KAT2B: variants seen among roughly 807,000 people sequenced by gnomAD.
The protein encoded by KAT2B is histone acetyltransferase KAT2B.
A neutral mutation model predicts 105.9 loss-of-function variants in KAT2B; 36 were observed. That is an observed-to-expected ratio of 0.34 (90% CI 0.26 to 0.45). The LOEUF (loss-of-function observed/expected upper bound fraction) is 0.45. Ranked by LOEUF, KAT2B falls within the 20% of genes least tolerant of loss-of-function variation. The pLI is 1.00. For missense variants in KAT2B, 820 were observed against 1,021.6 expected (o/e 0.80, Z 2.69); for synonymous variants, 397 against 377.9 (o/e 1.05, Z -0.59).
At chr3:20,068,371 C>G (rs969570777) in intron 1 of KAT2B, among the ~76,000 whole-genome samples, 1 of 150,918 alleles carries the variant, frequency 6.6e-6, no homozygotes, top group Non-Finnish European at 1.5e-5. Context: ...GTTGAGCAAG[C>G]CAGGCACTCT....
chr3:20,150,852 C>T (rs952706842), intron 17 of KAT2B, among the ~76,000 whole-genome samples: 9 of 151,392 alleles, frequency 5.9e-5, no homozygotes, highest in African/African-American at 1.5e-4. Flanking sequence ...TTCTTTGTGT[C>T]GTGTCATCCT....
chr3:20,073,478 A>G (rs181524275), intron 2 of KAT2B, among the ~76,000 whole-genome samples: 10 of 152,320 alleles, frequency 6.6e-5, no homozygotes, highest in East Asian at 3.9e-4. Context: ...GAGTATTTCA[A>G]TATTTACAGA....
At chr3:20,114,171 A>G (rs562808074) in intron 6 of KAT2B, among the ~76,000 whole-genome samples, 12 of 152,110 alleles carry the variant, frequency 7.9e-5, no homozygotes, top group Admixed American at 6.6e-5. Flanking sequence ...GATGATTTCT[A>G]TGGGTTGCCA....
At chr3:20,140,395 G>T in intron 13 of KAT2B, 31 bp downstream of exon 13, 16 of 1,610,584 alleles carry the variant, frequency 9.9e-6, no homozygotes, top group Non-Finnish European at 1.3e-5. Flanking sequence ...CTTACCTTCT[G>T]TACAGGCCAG....
At chr3:20,056,677 G>A (rs1291177091) in intron 1 of KAT2B, among the ~76,000 whole-genome samples, 1 of 152,190 alleles carries the variant, frequency 6.6e-6, no homozygotes, top group African/African-American at 2.4e-5. Flanking sequence ...GAAGAAATGA[G>A]TTGATAGAAG....
chr3:20,128,150 T>G lies in KAT2B; in HGVS notation c.1749+601T>G, dbSNP rs187403856. Among the ~76,000 whole-genome samples the G allele has an allele frequency of 2.6e-5, 4 of 152,328 alleles. No individual in the cohort carries two copies. The East Asian group carries it at 7.7e-4, about 29-fold the overall frequency. On this transcript the variant is annotated intron_variant, in intron 11 of 17. Transcript: ENST00000263754. ...CGAGGTACCAGGATACTGTACAAGT[T>G]CAATATGTAACTCAAGTGTAGTCGA...
intron 8 of KAT2B, among the ~76,000 whole-genome samples, 170 bp downstream of exon 8, chr3:20,119,893 T>TA (rs1404715751): frequency 6.6e-6 from 1 of 152,256 alleles, no homozygotes; most frequent in Non-Finnish European, 1.5e-5. Flanking sequence ...TAGTTATTGC[T>TA]ATCTTAAAAC....
rs1230905549 is a variant in KAT2B at position 20,061,971 on chromosome 3, ATT to A, written c.304-10361_304-10360del. On this transcript the variant is annotated intron_variant, in intron 1 of 17. Coordinates refer to ENST00000263754, the MANE Select transcript of KAT2B (RefSeq NM_003884.5). ...ATATTATATATAAAACATAATATAT[ATT>A]ATATATAAAACATATAATATATAAA... Among the ~76,000 whole-genome samples the A allele has an allele frequency of 4.0e-5, 4 of 99,690 alleles. 1 individual carries two copies. The highest frequency in any genetic ancestry group is 7.7e-5 in the Non-Finnish European group (4 of 51,736). The allele number at this position is 99,690 out of a possible 152,430, so 65.4% of individuals were successfully genotyped here.
chr3:20,120,699 C>A (rs1194556532), intron 8 of KAT2B, among the ~76,000 whole-genome samples: 1 of 152,048 alleles, frequency 6.6e-6, no homozygotes, highest in African/African-American at 2.4e-5. Flanking sequence ...ATGTAATCTA[C>A]CACATGGGCA....
rs1396887244 is a variant in KAT2B at position 20,154,105 on chromosome 3, T to G, written c.*1580T>G. On this transcript the variant is annotated 3_prime_UTR_variant, in exon 18 of 18. Coordinates refer to ENST00000263754, the MANE Select transcript of KAT2B (RefSeq NM_003884.5). ...CTTGGACTGGTTTTAAACAGTGCTT[T>G]GTACCGGATCTGCTGAAGCATCTGT... 6.6e-6 allele frequency: 1 copy of G among 152,644 alleles called. No individual in the cohort carries two copies. The highest frequency in any genetic ancestry group is 1.5e-5 in the Non-Finnish European group (1 of 68,024). The allele number at this position is 152,644 out of a possible 1,614,324, so 9.5% of individuals were successfully genotyped here. A position where few individuals can be genotyped will look rare whatever the true frequency, so the allele number is the denominator to read the frequency against.
At chr3:20,042,878 G>C (rs1697743579) in intron 1 of KAT2B, among the ~76,000 whole-genome samples, 1 of 151,684 alleles carries the variant, frequency 6.6e-6, no homozygotes, top group African/African-American at 2.4e-5. Context: ...GACCCAACAA[G>C]AGAAAGAGAA....
intron 1 of KAT2B, among the ~76,000 whole-genome samples, chr3:20,068,124 G>A (rs1698255810): frequency 6.6e-6 from 1 of 151,492 alleles, no homozygotes; most frequent in Non-Finnish European, 1.5e-5. Context: ...AGCCATCTGA[G>A]TAGCTGGGAT....
At chr3:20,132,222 A>G (rs1016125841) in intron 11 of KAT2B, among the ~76,000 whole-genome samples, 2 of 152,070 alleles carry the variant, frequency 1.3e-5, no homozygotes, top group African/African-American at 4.8e-5. Context: ...CAAAAATACA[A>G]AATTAGCTGG....
chr3:20,098,266 A>G (rs561190145), intron 3 of KAT2B, among the ~76,000 whole-genome samples: 27 of 152,078 alleles, frequency 1.8e-4, no homozygotes, highest in Non-Finnish European at 2.6e-4. Flanking sequence ...TTAGATGTTG[A>G]ACATAAACCC....
At chr3:20,144,777 C>CT (rs1291875001) in intron 13 of KAT2B, among the ~76,000 whole-genome samples, 1 of 151,396 alleles carries the variant, frequency 6.6e-6, no homozygotes, top group Non-Finnish European at 1.5e-5. Flanking sequence ...ATAAAATCCT[C>CT]TGATTTTCAT....
intron 11 of KAT2B, among the ~76,000 whole-genome samples, chr3:20,133,190 C>T (rs1241198794): frequency 6.6e-6 from 1 of 152,190 alleles, no homozygotes. Flanking sequence ...TATATTGGAA[C>T]TTACTGAACT....
intron 11 of KAT2B, among the ~76,000 whole-genome samples, chr3:20,128,060 AG>A (rs1466556290): frequency 6.6e-6 from 1 of 152,184 alleles, no homozygotes; most frequent in Non-Finnish European, 1.5e-5. Context: ...TATGTGTGTG[AG>A]GAGAGTAAGT....
At chr3:20,066,734 C>T (rs1698229141) in intron 1 of KAT2B, among the ~76,000 whole-genome samples, 1 of 151,408 alleles carries the variant, frequency 6.6e-6, no homozygotes, top group South Asian at 2.1e-4. Flanking sequence ...ACTATTTAAC[C>T]CACTGCACCG....
At chr3:20,060,392 G>A (rs1324847676) in intron 1 of KAT2B, among the ~76,000 whole-genome samples, 2 of 151,836 alleles carry the variant, frequency 1.3e-5, no homozygotes, top group Admixed American at 6.6e-5. Context: ...ACCTGAGGTC[G>A]GGAGTCTGAG....
Sources: allele counts gnomAD v4.1 joint callset (sites outside exome capture counted in the v4.1 genomes callset), GRCh38; gene constraint gnomAD v4.1.1; transcripts MANE v1.5; gene names NCBI Gene and HGNC (gene_info 2026-07-23, HGNC 2026-07-21).